SLC35F1: variants seen among roughly 807,000 people sequenced by gnomAD.
SLC35F1 encodes the protein solute carrier family 35 member F1.
Under a neutral mutation model 48.7 loss-of-function variants are expected in SLC35F1, and 14 were observed. The observed-to-expected ratio is 0.29, with a 90% CI of 0.19 to 0.45. SLC35F1 has a LOEUF of 0.45. Ranked by LOEUF, SLC35F1 falls within the 20% of genes least tolerant of loss-of-function variation. SLC35F1 has a pLI of 1.00. For synonymous variants in SLC35F1, 190 were observed against 202.2 expected (o/e 0.94, Z 0.51); for missense variants, 404 against 500.0 (o/e 0.81, Z 1.83).
intron 1 of SLC35F1, among the ~76,000 whole-genome samples, chr6:117,952,878 C>T (rs1218124383): frequency 1.3e-5 from 2 of 152,148 alleles, no homozygotes; most frequent in African/African-American, 2.4e-5. Context: ...GGTTATTGGG[C>T]TCAGTGAAGT....
intron 1 of SLC35F1, among the ~76,000 whole-genome samples, chr6:118,105,404 A>T (rs9387558): frequency 0.21 from 32,382 of 152,136 alleles, 3,663 homozygotes; most frequent in East Asian, 0.32. Context: ...GACCTACTCT[A>T]TGTCTACCCG....
At position 118,285,331 on chromosome 6, in the gene SLC35F1, A is replaced by G. The variant is rs1776036342; in HGVS notation, c.995A>G (p.His332Arg). The G allele has an allele frequency of 6.2e-7, 1 of 1,613,876 alleles. No individual in the cohort carries two copies. The highest frequency in any genetic ancestry group is 1.3e-5 in the African/African-American group (1 of 75,036). ...YSLFCGLFLF[H>R]YKFSGLYLLS... ...CTGTTCTGTGGATTGTTTCTCTTCC[A>G]CTACAAGGTAAGTTGAGTGAGTGCT... Residue 332 changes from histidine (H) to arginine (R), a missense_variant, in exon 7 of 8, where the codon CAC becomes CGC. This residue lies in a region of SLC35F1 where 306 missense variants were observed against 419.1 expected (regional missense o/e 0.73). Coordinates refer to ENST00000360388, the MANE Select transcript of SLC35F1 (RefSeq NM_001029858.4).
At chr6:118,160,512 C>G (rs1244917328) in intron 2 of SLC35F1, among the ~76,000 whole-genome samples, 1 of 152,060 alleles carries the variant, frequency 6.6e-6, no homozygotes, top group Non-Finnish European at 1.5e-5. Flanking sequence ...TGTAGAATCC[C>G]TTTGATTTTT....
intron 2 of SLC35F1, among the ~76,000 whole-genome samples, chr6:118,219,348 CTT>C (rs1277058621): frequency 6.6e-6 from 1 of 152,092 alleles, no homozygotes; most frequent in African/African-American, 2.4e-5. Flanking sequence ...AGAGCAGAGT[CTT>C]TGTTTTCTTA....
At chr6:118,217,459 G>C in intron 2 of SLC35F1, among the ~76,000 whole-genome samples, 1 of 152,074 alleles carries the variant, frequency 6.6e-6, no homozygotes, top group African/African-American at 2.4e-5. Context: ...TAGAACAATG[G>C]CTCCTAATGG....
intron 1 of SLC35F1, among the ~76,000 whole-genome samples, chr6:118,144,492 T>C (rs1773941070): frequency 6.6e-6 from 1 of 151,206 alleles, no homozygotes; most frequent in Non-Finnish European, 1.5e-5. Context: ...CTGGGCTTAA[T>C]ACCTAGGTGA....
intron 7 of SLC35F1, among the ~76,000 whole-genome samples, chr6:118,308,194 ATCT>A (rs2114668546): frequency 6.6e-6 from 1 of 152,350 alleles, no homozygotes; most frequent in African/African-American, 2.4e-5. Flanking sequence ...CAAACTGGTA[ATCT>A]TCTTCCAATT....
intron 7 of SLC35F1, among the ~76,000 whole-genome samples, chr6:118,310,704 T>C (rs953021258): frequency 6.6e-6 from 1 of 152,152 alleles, no homozygotes; most frequent in Non-Finnish European, 1.5e-5. Flanking sequence ...AATCCCATGC[T>C]ATCTATCTTT....
intron 1 of SLC35F1, among the ~76,000 whole-genome samples, chr6:117,977,979 A>T (rs1046211469): frequency 6.6e-6 from 1 of 152,188 alleles, no homozygotes; most frequent in African/African-American, 2.4e-5. Flanking sequence ...ATTTGGGAGT[A>T]GATTTAGTTT....
intron 2 of SLC35F1, among the ~76,000 whole-genome samples, chr6:118,223,280 G>C (rs1775174698): frequency 6.6e-6 from 1 of 152,154 alleles, no homozygotes. Context: ...CCAATTTCAT[G>C]ATCTGAAAAA....
chr6:118,282,662 A>T (rs751680893), intron 6 of SLC35F1, among the ~76,000 whole-genome samples: 14 of 152,180 alleles, frequency 9.2e-5, no homozygotes, highest in Non-Finnish European at 1.5e-4. Context: ...TCTCCTGAAA[A>T]TCTGGTCCTC....
intron 7 of SLC35F1, among the ~76,000 whole-genome samples, chr6:118,293,618 T>C (rs1005022425): frequency 2.0e-5 from 3 of 152,168 alleles, no homozygotes; most frequent in Admixed American, 1.3e-4. Context: ...ACAGGACTAG[T>C]AATAATTCTA....
chr6:117,954,887 C>G (rs530971381), intron 1 of SLC35F1, among the ~76,000 whole-genome samples: 4 of 152,300 alleles, frequency 2.6e-5, no homozygotes, highest in African/African-American at 9.6e-5. Context: ...TACTCATTGA[C>G]TGTTATATGC....
intron 1 of SLC35F1, among the ~76,000 whole-genome samples, chr6:118,049,955 G>A (rs557112240): frequency 0.031 from 4,755 of 152,066 alleles, 258 homozygotes; most frequent in African/African-American, 0.11. Flanking sequence ...GCAAAGACTT[G>A]GAACCAACCC....
At chr6:117,916,589 TG>T (rs1282624165) in intron 1 of SLC35F1, among the ~76,000 whole-genome samples, 2 of 152,206 alleles carry the variant, frequency 1.3e-5, no homozygotes, top group Non-Finnish European at 2.9e-5. Context: ...CCCAGCCAAA[TG>T]GCCTGGTCTT....
chr6:117,958,261 AAG>A (rs1428681404), intron 1 of SLC35F1, among the ~76,000 whole-genome samples: 2 of 152,228 alleles, frequency 1.3e-5, no homozygotes, highest in African/African-American at 2.4e-5. Context: ...GTTATCACAA[AAG>A]AGTCAAAAAG....
intron 1 of SLC35F1, among the ~76,000 whole-genome samples, chr6:117,919,275 T>C (rs1775866414): frequency 6.6e-6 from 1 of 152,178 alleles, no homozygotes; most frequent in Non-Finnish European, 1.5e-5. Flanking sequence ...GCCTGTGTCG[T>C]ATGTTTTGTT....
chr6:118,277,855 C>G (rs1265572099), intron 6 of SLC35F1, among the ~76,000 whole-genome samples: 3 of 151,734 alleles, frequency 2.0e-5, no homozygotes, highest in African/African-American at 7.3e-5. Context: ...AGTGGTAGCA[C>G]ATAAGTGACA....
intron 1 of SLC35F1, among the ~76,000 whole-genome samples, chr6:118,146,843 A>G (rs1773981047): frequency 2.0e-5 from 3 of 152,184 alleles, no homozygotes; most frequent in Admixed American, 6.5e-5. Flanking sequence ...TAACTTGGCT[A>G]CCAAAGAGTT....
Sources: allele counts gnomAD v4.1 joint callset (sites outside exome capture counted in the v4.1 genomes callset), GRCh38; gene constraint gnomAD v4.1.1; regional missense constraint gnomAD v4.1.1; transcripts MANE v1.5; gene names NCBI Gene and HGNC (gene_info 2026-07-23, HGNC 2026-07-21).